PDE1A: variants seen among roughly 807,000 people sequenced by gnomAD.
PDE1A encodes the protein phosphodiesterase 1A.
A neutral mutation model predicts 61.7 loss-of-function variants in PDE1A; 35 were observed. The ratio of observed to expected loss-of-function variants is 0.57; its 90% CI spans 0.43 to 0.75. The LOEUF (loss-of-function observed/expected upper bound fraction) is 0.75, where lower values mean the gene tolerates loss of function less well. Ranked by LOEUF, PDE1A falls within the 30% of genes least tolerant of loss-of-function variation. PDE1A has a pLI of 0.00. For synonymous variants in PDE1A, 232 were observed against 213.2 expected, an observed-to-expected ratio of 1.09 and a Z score of -0.77; for missense variants, 597 against 630.6, an observed-to-expected ratio of 0.95 and a Z score of 0.57.
exon 15 of PDE1A, chr2:182,140,629 C>A (rs972846891): frequency 6.6e-6 from 1 of 152,118 alleles, no homozygotes; most frequent in Admixed American, 6.5e-5. Flanking sequence ...ATATAAACTG[C>A]AAGATATATA....
At chr2:182,157,565 C>T (rs191754765) in intron 13 of PDE1A, among the ~76,000 whole-genome samples, 417 of 152,210 alleles carry the variant, frequency 2.7e-3, no homozygotes, top group African/African-American at 9.5e-3. Context: ...AGGGAGGATG[C>T]GAGAAGAGTT....
chr2:182,438,025 A>G (rs1389935259), intron 2 of PDE1A, among the ~76,000 whole-genome samples: 1 of 151,856 alleles, frequency 6.6e-6, no homozygotes, highest in African/African-American at 2.4e-5. Context: ...TATTTGTTAT[A>G]AATAGAATCA....
At chr2:182,254,863 C>T (rs1574160097) in intron 2 of PDE1A, among the ~76,000 whole-genome samples, 2 of 152,096 alleles carry the variant, frequency 1.3e-5, no homozygotes, top group South Asian at 4.1e-4. Flanking sequence ...AGTTCTTAAG[C>T]GTATGACTTA....
At chr2:182,681,274 T>C in the PDE1A span, among the ~76,000 whole-genome samples, 1 of 151,954 alleles carries the variant, frequency 6.6e-6, no homozygotes, top group African/African-American at 2.4e-5. Flanking sequence ...TCAATTCACA[T>C]GTGTTTCACT....
intron 2 of PDE1A, among the ~76,000 whole-genome samples, chr2:182,256,038 C>CTTTTTTTTTTT (rs755211798): frequency 1.4e-4 from 13 of 92,300 alleles, no homozygotes; most frequent in East Asian, 3.3e-4. Flanking sequence ...AGGATGACTT[C>CTTTTTTTTTTT]TTTTTTTTTT....
At chr2:182,546,242 T>C in the PDE1A span, among the ~76,000 whole-genome samples, 1 of 152,168 alleles carries the variant, frequency 6.6e-6, no homozygotes, top group East Asian at 1.9e-4. Context: ...CCAGCCTGCA[T>C]TCCCATTGTG....
intron 1 of PDE1A, among the ~76,000 whole-genome samples, chr2:182,264,874 T>TAC: frequency 8.4e-6 from 1 of 118,370 alleles, no homozygotes; most frequent in Admixed American, 9.5e-5. Context: ...GTGGTATATA[T>TAC]ATACATATAT....
chr2:182,636,246 T>C, the PDE1A span, among the ~76,000 whole-genome samples: 2 of 152,086 alleles, frequency 1.3e-5, no homozygotes, highest in Non-Finnish European at 2.9e-5. Flanking sequence ...GCGTGATACA[T>C]TGAGCCCGGC....
At chr2:182,560,722 T>C in the PDE1A span, among the ~76,000 whole-genome samples, 7 of 152,022 alleles carry the variant, frequency 4.6e-5, no homozygotes, top group East Asian at 1.9e-4. Flanking sequence ...CTCTCCAGCA[T>C]CTGTTGTTTC....
intron 1 of PDE1A, among the ~76,000 whole-genome samples, chr2:182,394,617 C>G (rs543066806): frequency 1.6e-4 from 24 of 152,186 alleles, no homozygotes; most frequent in South Asian, 4.2e-4. Flanking sequence ...TATTGGTCCT[C>G]CAGTTAAAGT....
At chr2:182,331,212 G>T (rs552754717) in intron 1 of PDE1A, among the ~76,000 whole-genome samples, 1 of 152,114 alleles carries the variant, frequency 6.6e-6, no homozygotes, top group Admixed American at 6.6e-5. Context: ...GAATCTTGAC[G>T]CTGAGGAAAT....
chr2:182,671,441 A>G, the PDE1A span, among the ~76,000 whole-genome samples: 1 of 142,216 alleles, frequency 7.0e-6, no homozygotes, highest in Non-Finnish European at 1.5e-5. Context: ...ACCGGTCTCA[A>G]CCTCCCAAAG....
intron 2 of PDE1A, among the ~76,000 whole-genome samples, chr2:182,504,758 AATAAATAAAGTCTGAGAAC>A (rs1234592859): frequency 6.6e-6 from 1 of 152,238 alleles, no homozygotes; most frequent in African/African-American, 2.4e-5. Flanking sequence ...CACATGATAG[AATAAATAAAGTCTGAGAAC>A]AAAAATTAAG....
intron 2 of PDE1A, among the ~76,000 whole-genome samples, chr2:182,245,051 C>T (rs1004998700): frequency 1.3e-5 from 2 of 152,152 alleles, no homozygotes; most frequent in Non-Finnish European, 2.9e-5. Flanking sequence ...GCCTCCAAAG[C>T]CAGCCAACTT....
intron 13 of PDE1A, among the ~76,000 whole-genome samples, chr2:182,148,941 A>G (rs1488937837): frequency 1.3e-5 from 2 of 151,642 alleles, no homozygotes; most frequent in Non-Finnish European, 2.9e-5. Context: ...CAGTGACCTG[A>G]GCTTTTCATT....
At chr2:182,254,118 T>C (rs1175082954) in intron 2 of PDE1A, among the ~76,000 whole-genome samples, 4 of 152,230 alleles carry the variant, frequency 2.6e-5, no homozygotes, top group African/African-American at 9.6e-5. Context: ...TAGAGCTTTT[T>C]TGTTAGTCAT....
At chr2:182,201,664 C>CAAA in intron 9 of PDE1A, 24 bp downstream of exon 9, 1 of 873,104 alleles carries the variant, frequency 1.1e-6, no homozygotes, top group South Asian at 2.0e-5. Context: ...AAAAAAAAAA[C>CAAA]AACAAAAAAA....
the PDE1A span, among the ~76,000 whole-genome samples, chr2:182,706,556 A>C: frequency 7.2e-5 from 11 of 152,148 alleles, no homozygotes; most frequent in Non-Finnish European, 5.9e-5. Context: ...TTCTGATTTA[A>C]AAAGACAATC....
At chr2:182,651,334 G>T in the PDE1A span, among the ~76,000 whole-genome samples, 1 of 152,128 alleles carries the variant, frequency 6.6e-6, no homozygotes, top group South Asian at 2.1e-4. Context: ...AATTAGGGGG[G>T]TAGATAATTT....
Sources: gnomAD v4.1 joint callset for allele counts (sites outside exome capture counted in the v4.1 genomes callset) on GRCh38, gnomAD v4.1.1 for gene constraint, MANE v1.5 for transcripts, NCBI Gene and HGNC (gene_info 2026-07-23, HGNC 2026-07-21) for gene names.